Variants in SORCS2 observed in about 807,000 individuals in gnomAD.
The protein encoded by SORCS2 is VPS10 domain-containing receptor SorCS2.
A neutral mutation model predicts 141.6 loss-of-function variants in SORCS2; 100 were observed. The observed-to-expected ratio is 0.71, with a 90% CI of 0.60 to 0.83. The LOEUF is 0.83. SORCS2 is among the 40% of genes least tolerant of loss of function. SORCS2 has a pLI of 0.00. For missense variants in SORCS2, 1,646 were observed against 1,560.2 expected, an observed-to-expected ratio of 1.05 and a Z score of -0.93; for synonymous variants, 789 against 676.9, an observed-to-expected ratio of 1.17 and a Z score of -2.57.
chr4:7,408,521 A>T (rs4689735), intron 2 of SORCS2, among the ~76,000 whole-genome samples: 118,289 of 152,048 alleles, frequency 0.78, 47,645 homozygotes, highest in South Asian at 0.9. Flanking sequence ...TTGCTGCTTT[A>T]TAAATCCTCT....
intron 2 of SORCS2, among the ~76,000 whole-genome samples, chr4:7,476,975 G>T (rs1048449499): frequency 6.6e-6 from 1 of 152,182 alleles, no homozygotes; most frequent in African/African-American, 2.4e-5. Flanking sequence ...TCCCCAAGGC[G>T]CTCTGAACTT....
chr4:7,725,328 G>T, intron 20 of SORCS2, 41 bp downstream of exon 20: 1 of 1,592,432 alleles, frequency 6.3e-7, no homozygotes, highest in South Asian at 1.1e-5. Flanking sequence ...CTTCCCGCAG[G>T]CTCCCCACAA....
intron 2 of SORCS2, among the ~76,000 whole-genome samples, chr4:7,420,434 A>G (rs28677109): frequency 0.069 from 10,488 of 152,266 alleles, 518 homozygotes; most frequent in African/African-American, 0.14. Context: ...CAGGAGAGCT[A>G]GCTGAGACTC....
At chr4:7,198,125 G>T (rs913435111) in intron 1 of SORCS2, among the ~76,000 whole-genome samples, 2 of 152,214 alleles carry the variant, frequency 1.3e-5, no homozygotes, top group African/African-American at 4.8e-5. Context: ...CCAGAGGGAG[G>T]CTTGGACCAA....
intron 1 of SORCS2, among the ~76,000 whole-genome samples, chr4:7,243,626 C>CT (rs1712864403): frequency 6.6e-6 from 1 of 152,228 alleles, no homozygotes. Flanking sequence ...CACAGGCTCC[C>CT]TCGCCAGACA....
chr4:7,625,613 G>A (rs189861520), intron 3 of SORCS2, among the ~76,000 whole-genome samples: 28 of 151,592 alleles, frequency 1.8e-4, no homozygotes, highest in African/African-American at 6.3e-4. Context: ...CAGCAGGTGG[G>A]TACGATGGTC....
intron 1 of SORCS2, among the ~76,000 whole-genome samples, chr4:7,379,108 C>A (rs756280226): frequency 2.0e-5 from 3 of 152,340 alleles, no homozygotes; most frequent in Non-Finnish European, 4.4e-5. Context: ...CTCCTAGATC[C>A]TGTGCTTGGG....
intron 4 of SORCS2, among the ~76,000 whole-genome samples, chr4:7,650,652 A>G (rs1260870055): frequency 6.6e-6 from 1 of 152,216 alleles, no homozygotes; most frequent in Non-Finnish European, 1.5e-5. Flanking sequence ...CTCAGAGGCC[A>G]TGACAGGGAG....
At chr4:7,481,206 G>A (rs1050264146) in intron 2 of SORCS2, among the ~76,000 whole-genome samples, 1 of 152,256 alleles carries the variant, frequency 6.6e-6, no homozygotes, top group African/African-American at 2.4e-5. Flanking sequence ...GGTGTGGCAA[G>A]GACACAGCGT....
At chr4:7,548,238 G>C (rs934770045) in intron 3 of SORCS2, among the ~76,000 whole-genome samples, 3 of 152,162 alleles carry the variant, frequency 2.0e-5, no homozygotes, top group African/African-American at 7.2e-5. Context: ...GCGACCATTT[G>C]TCTGGAATAC....
chr4:7,702,863 C>T (rs1725172237), intron 12 of SORCS2, among the ~76,000 whole-genome samples: 1 of 152,254 alleles, frequency 6.6e-6, no homozygotes, highest in Admixed American at 6.5e-5. Context: ...GGAGGGCTTC[C>T]TGGAGGAAAT....
intron 14 of SORCS2, among the ~76,000 whole-genome samples, chr4:7,706,475 GCC>G (rs1725468353): frequency 2.2e-5 from 3 of 136,504 alleles, no homozygotes; most frequent in Non-Finnish European, 4.8e-5. Flanking sequence ...GCTGGGCTCT[GCC>G]TGGACAGAGA....
At chr4:7,230,369 G>A (rs1249512740) in intron 1 of SORCS2, among the ~76,000 whole-genome samples, 1 of 95,280 alleles carries the variant, frequency 1.0e-5, no homozygotes, top group African/African-American at 4.4e-5. Flanking sequence ...ATGTATGAAG[G>A]AGATGAAGAT....
intron 1 of SORCS2, among the ~76,000 whole-genome samples, chr4:7,242,304 T>A (rs2108792563): frequency 6.6e-6 from 1 of 152,214 alleles, no homozygotes; most frequent in Non-Finnish European, 1.5e-5. Context: ...CAAGGGATTA[T>A]CCAACTCAGC....
intron 13 of SORCS2, among the ~76,000 whole-genome samples, chr4:7,703,773 G>A (rs1452276313): frequency 6.6e-6 from 1 of 152,196 alleles, no homozygotes; most frequent in Non-Finnish European, 1.5e-5. Context: ...GCGTGAACTC[G>A]GGACCCAGAA....
At chr4:7,677,901 G>A (rs1723269565) in intron 9 of SORCS2, among the ~76,000 whole-genome samples, 1 of 152,154 alleles carries the variant, frequency 6.6e-6, no homozygotes, top group African/African-American at 2.4e-5. Context: ...GCCTCTAGGA[G>A]GGGACTAGTT....
chr4:7,417,742 C>T (rs768828246), intron 2 of SORCS2, among the ~76,000 whole-genome samples: 26 of 152,312 alleles, frequency 1.7e-4, no homozygotes, highest in Non-Finnish European at 3.1e-4. Flanking sequence ...CTGCATCAGG[C>T]CTCTCCTATC....
intron 3 of SORCS2, among the ~76,000 whole-genome samples, chr4:7,635,639 C>A (rs1478671002): frequency 6.6e-6 from 1 of 152,178 alleles, no homozygotes; most frequent in East Asian, 1.9e-4. Context: ...CACATAAGCT[C>A]CCCAGTCGTT....
intron 1 of SORCS2, among the ~76,000 whole-genome samples, chr4:7,284,886 CCCAGG>C (rs1716105815): frequency 6.6e-6 from 1 of 152,066 alleles, no homozygotes; most frequent in African/African-American, 2.4e-5. Context: ...TTCTGGTGGC[CCCAGG>C]TATCTCTTGG....
Sources: allele counts gnomAD v4.1 joint callset (sites outside exome capture counted in the v4.1 genomes callset), GRCh38; gene constraint gnomAD v4.1.1; transcripts MANE v1.5; gene names NCBI Gene and HGNC (gene_info 2026-07-23, HGNC 2026-07-21).